TASP1: variants seen among roughly 807,000 people sequenced by gnomAD.
The protein encoded by TASP1 is taspase 1, also known as threonine aspartase 1.
A neutral mutation model predicts 56.6 loss-of-function variants in TASP1; 16 were observed. The ratio of observed to expected loss-of-function variants is 0.28; its 90% confidence interval spans 0.19 to 0.43. TASP1 has a LOEUF of 0.43. TASP1 is among the 20% of genes least tolerant of loss of function. The pLI, the probability that TASP1 is intolerant of heterozygous loss-of-function variation, is 1.00. For missense variants in TASP1, 393 were observed against 511.6 expected, an observed-to-expected ratio of 0.77 and a Z score of 2.24; for synonymous variants, 179 against 184.2, an observed-to-expected ratio of 0.97 and a Z score of 0.23.
At chr20:13,141,718 G>C in the TASP1 span, among the ~76,000 whole-genome samples, 1 of 152,228 alleles carries the variant, frequency 6.6e-6, no homozygotes, top group Non-Finnish European at 1.5e-5. Flanking sequence ...AGGGCATGGA[G>C]AGCTGCATTT....
rs558603874 is a variant in TASP1 at position 13,392,981 on chromosome 20, C to G, written c.1171-2529G>C. ...ATTATGGAGCCCACCAGTATCTTCA[C>G]GACCATGGAGAAGGCTGGAGCTCAC... On this transcript the variant is annotated intron_variant, in intron 13 of 13. Transcript: ENST00000337743. The G allele has an allele frequency of 7.2e-5, 42 of 586,514 alleles. No individual in the cohort carries two copies. In the Admixed American group the frequency reaches 8.3e-4, roughly 12 times the overall value. 36.3% of individuals were successfully genotyped at this position (586,514 alleles called of 1,614,324 possible).
chr20:13,135,615 G>A, the TASP1 span, among the ~76,000 whole-genome samples: 24 of 152,044 alleles, frequency 1.6e-4, no homozygotes, highest in Non-Finnish European at 2.9e-4. Flanking sequence ...TTAGATCTAC[G>A]GGCCCACTTA....
At chr20:13,260,207 G>A in the TASP1 span, among the ~76,000 whole-genome samples, 2 of 152,318 alleles carry the variant, frequency 1.3e-5, no homozygotes, top group Non-Finnish European at 1.5e-5. Flanking sequence ...CTGGCCATAT[G>A]TGGCCTATGA....
intron 13 of TASP1, among the ~76,000 whole-genome samples, chr20:13,399,169 C>A (rs2041650390): frequency 6.6e-6 from 1 of 152,180 alleles, no homozygotes; most frequent in African/African-American, 2.4e-5. Context: ...ATGATTATAA[C>A]TTTTCAGTCT....
chr20:13,634,728 C>CAAAA (rs559609508), intron 1 of TASP1, among the ~76,000 whole-genome samples: 2 of 53,412 alleles, frequency 3.7e-5, no homozygotes, highest in African/African-American at 7.4e-5. Context: ...AAACTCCGTC[C>CAAAA]AAAAAAAAAA....
At chr20:13,570,237 A>T (rs1250830827) in intron 6 of TASP1, among the ~76,000 whole-genome samples, 1 of 152,124 alleles carries the variant, frequency 6.6e-6, no homozygotes, top group Non-Finnish European at 1.5e-5. Context: ...CAAAGATTTC[A>T]AATAGCATGT....
the TASP1 span, among the ~76,000 whole-genome samples, chr20:13,195,265 T>A: frequency 2.6e-5 from 4 of 152,246 alleles, no homozygotes; most frequent in African/African-American, 7.2e-5. Flanking sequence ...TTATACACAC[T>A]GGGCAGCTGC....
intron 11 of TASP1, among the ~76,000 whole-genome samples, chr20:13,441,140 C>A (rs1439069723): frequency 1.3e-5 from 2 of 152,088 alleles, no homozygotes; most frequent in African/African-American, 4.8e-5. Context: ...TTTTTGCCTG[C>A]CCCCTCCCTT....
At chr20:13,479,970 G>A (rs567131453) in intron 11 of TASP1, among the ~76,000 whole-genome samples, 1 of 152,322 alleles carries the variant, frequency 6.6e-6, no homozygotes, top group East Asian at 1.9e-4. Flanking sequence ...CACCACCAGT[G>A]TGTTAAAAGA....
At chr20:13,613,148 C>A (rs2048405928) in intron 4 of TASP1, among the ~76,000 whole-genome samples, 1 of 152,090 alleles carries the variant, frequency 6.6e-6, no homozygotes, top group South Asian at 2.1e-4. Context: ...TAGAGATCTG[C>A]AACATAGAAG....
At chr20:13,341,382 C>T in the TASP1 span, among the ~76,000 whole-genome samples, 1 of 152,164 alleles carries the variant, frequency 6.6e-6, no homozygotes. Flanking sequence ...TTTAGAATCA[C>T]ACAGAGCTGA....
intron 4 of TASP1, among the ~76,000 whole-genome samples, chr20:13,607,039 AGT>A (rs1256798202): frequency 1.3e-5 from 2 of 152,226 alleles, no homozygotes; most frequent in Non-Finnish European, 2.9e-5. Flanking sequence ...AGGAAAATGT[AGT>A]GGAGTGCTAA....
At chr20:13,193,743 T>A in the TASP1 span, among the ~76,000 whole-genome samples, 2 of 152,216 alleles carry the variant, frequency 1.3e-5, no homozygotes, top group Non-Finnish European at 2.9e-5. Context: ...CCTTTGGCAT[T>A]TGTCCTTATG....
intron 8 of TASP1, among the ~76,000 whole-genome samples, chr20:13,541,304 T>A (rs2045611964): frequency 6.6e-6 from 1 of 152,034 alleles, no homozygotes; most frequent in Non-Finnish European, 1.5e-5. Context: ...TGGTATAATA[T>A]CCTCAAAGAA....
chr20:13,562,651 T>C (rs552811850), intron 7 of TASP1, among the ~76,000 whole-genome samples: 35 of 151,978 alleles, frequency 2.3e-4, no homozygotes, highest in Middle Eastern at 3.4e-3. Flanking sequence ...CCAATGTGGG[T>C]GAATCACTTG....
chr20:13,468,848 T>G (rs1384858131), intron 11 of TASP1, among the ~76,000 whole-genome samples: 3 of 140,266 alleles, frequency 2.1e-5, no homozygotes, highest in Non-Finnish European at 4.7e-5. Context: ...GAATTTTTGG[T>G]TTTTTTATGT....
rs571553654 is a variant in TASP1 at position 13,549,137 on chromosome 20, A to G, written c.675+9871T>C. Among the ~76,000 whole-genome samples the G allele has an allele frequency of 2.0e-5, 3 of 152,288 alleles. No individual in the cohort carries two copies. The East Asian group carries it at 5.8e-4, about 29-fold the overall frequency. ...GTCTAGAGAGGTTCCATGTTTGCCC[A>G]AAGTCTCTGGACTGGCTTATAATAG... On this transcript the variant is annotated intron_variant, in intron 8 of 13. Coordinates refer to ENST00000337743, the MANE Select transcript of TASP1 (RefSeq NM_017714.3).
the TASP1 span, among the ~76,000 whole-genome samples, chr20:13,202,423 T>C: frequency 6.6e-6 from 1 of 152,222 alleles, no homozygotes; most frequent in Non-Finnish European, 1.5e-5. Context: ...TCTTTAATTG[T>C]ACATTTATGT....
At chr20:13,355,136 T>A in the TASP1 span, among the ~76,000 whole-genome samples, 2 of 152,192 alleles carry the variant, frequency 1.3e-5, no homozygotes, top group South Asian at 4.1e-4. Context: ...GCACACAGGG[T>A]CTAAAATGGA....
Sources: allele counts gnomAD v4.1 joint callset (sites outside exome capture counted in the v4.1 genomes callset), GRCh38; gene constraint gnomAD v4.1.1; transcripts MANE v1.5; gene names NCBI Gene and HGNC (gene_info 2026-07-23, HGNC 2026-07-21).